The following KDM1B variants were observed in gnomAD, a reference collection of about 807,000 sequenced individuals.
The protein encoded by KDM1B is lysine demethylase 1B.
KDM1B carries 63 observed loss-of-function variants against 107.4 expected under a neutral mutation model. That is an observed-to-expected ratio of 0.59 (90% CI 0.48 to 0.72). KDM1B has a LOEUF of 0.72. Among genes scored for constraint, KDM1B ranks in the 30% least tolerant of loss-of-function variants. The probability of loss-of-function intolerance (pLI) is 0.00; values close to 1 mark genes in which losing one functional copy is unlikely to be tolerated. For synonymous variants in KDM1B, 363 were observed against 363.9 expected (o/e 1.00, Z 0.03); for missense variants, 749 against 1,020.8 (o/e 0.73, Z 3.63).
rs1788308664 is a variant in KDM1B, at chr6:18,205,530, A to G, written c.1532-7A>G. 1.3e-6 allele frequency: 2 copies of G among 1,547,334 alleles called. No individual in the cohort carries two copies. Among genetic ancestry groups the G allele is most frequent in the Non-Finnish European group, 1.7e-6 (2 of 1,145,188 alleles). On this transcript the variant is annotated splice_region_variant and splice_polypyrimidine_tract_variant and intron_variant, in intron 14 of 21. Transcript: ENST00000650836. The surrounding 1 kb of genome is among the most constrained non-coding windows in gnomAD (Gnocchi z 5.7). ...TTTTTTTCTGCTTTGATCCATTCCC[A>G]TTACAGAAAAGATAGAAGAAATCTA... is the stretch of plus-strand genomic sequence containing the variant.
At chr6:18,164,745 A>G (rs909173282) in intron 5 of KDM1B, among the ~76,000 whole-genome samples, 2 of 152,046 alleles carry the variant, frequency 1.3e-5, no homozygotes, top group Non-Finnish European at 2.9e-5. Context: ...TCCTGGGTTC[A>G]AGTGATTCTC....
At position 18,215,087 on chromosome 6, in the gene KDM1B, G is replaced by GC; in HGVS notation, c.2191dup (p.Gln731ProfsTer54). On this transcript the variant is annotated frameshift_variant, in exon 20 of 22. Coordinates refer to ENST00000650836, the MANE Select transcript of KDM1B (RefSeq NM_001364614.2). LOFTEE classifies it high-confidence loss of function. ...GGACCCTGGATGACAAACAGGTGCT[G>GC]CAGCAGTGCATGGCCACGCTCCGGG... 1 of 1,613,734 alleles carries GC rather than the reference G, an allele frequency of 6.2e-7. No individual in the cohort carries two copies. The highest frequency in any genetic ancestry group is 8.5e-7 in the Non-Finnish European group (1 of 1,179,934).
In KDM1B at chr6:18,162,481, G is replaced by T. The variant is rs1040830886; in HGVS notation, c.216-354G>T. 1.3e-5 allele frequency among the ~76,000 whole-genome samples: 2 copies of T among 152,024 alleles called. No individual in the cohort carries two copies. Among genetic ancestry groups the T allele is most frequent in the Non-Finnish European group, 2.9e-5 (2 of 68,018 alleles). Reference sequence around the variant, plus strand: ...AGATTTCAGCTGACCAGATTCCCTCGCTGTTCAGTACTGGGCCCCACGTTA... The same window carrying T: ...AGATTTCAGCTGACCAGATTCCCTCTCTGTTCAGTACTGGGCCCCACGTTA... On this transcript the variant is annotated intron_variant, in intron 4 of 21. Coordinates refer to ENST00000650836, the MANE Select transcript of KDM1B (RefSeq NM_001364614.2). The surrounding 1 kb of genome is among the most constrained non-coding windows in gnomAD (Gnocchi z 4.1).
intron 7 of KDM1B, among the ~76,000 whole-genome samples, chr6:18,180,746 A>T (rs1786406049): frequency 6.6e-6 from 1 of 152,132 alleles, no homozygotes; most frequent in Non-Finnish European, 1.5e-5. Context: ...GTGTATTTTT[A>T]GTAGAGACGG....
intron 21 of KDM1B, 139 bp from the exon 22 acceptor site, chr6:18,221,770 C>G (rs908570170): frequency 1.5e-6 from 1 of 679,994 alleles, no homozygotes; most frequent in Non-Finnish European, 2.5e-6. Context: ...TCCAGTGTTA[C>G]GATGGGTGAG....
Position 18,201,461 on chromosome 6 carries a change from CCTT to C in KDM1B, c.1360-21_1360-19del, listed in dbSNP as rs1788026789. Reference sequence around the variant, plus strand: ...TATTTTTTTCCAGGGAAAATTTTCACCTTCTTATTCTTATTATTTTGAAGCTTG... The same window carrying C: ...TATTTTTTTCCAGGGAAAATTTTCACCTTATTCTTATTATTTTGAAGCTTG... On this transcript the variant is annotated intron_variant, in intron 13 of 21. Transcript: ENST00000650836. This position sits in a 1 kb window ranked among gnomAD's most constrained non-coding sequence, Gnocchi z 4.3. 2 of 1,511,012 alleles carry C rather than the reference CCTT, an allele frequency of 1.3e-6. No individual in the cohort carries two copies. Among genetic ancestry groups the C allele is most frequent in the Non-Finnish European group, 1.8e-6 (2 of 1,127,366 alleles). 93.6% of individuals were successfully genotyped at this position (1,511,012 alleles called of 1,614,324 possible). A position where few individuals can be genotyped will look rare whatever the true frequency, so the allele number is the denominator to read the frequency against.
Position 18,197,454 on chromosome 6 carries a change from C to A in KDM1B, c.1147-133C>A. The A allele has an allele frequency of 2.4e-6, 2 of 829,064 alleles. No homozygotes were observed. Among genetic ancestry groups the A allele is most frequent in the Admixed American group, 2.1e-5 (1 of 46,870 alleles). The allele number at this position is 829,064 out of a possible 1,614,324, so 51.4% of individuals were successfully genotyped here. A position where few individuals can be genotyped will look rare whatever the true frequency, so the allele number is the denominator to read the frequency against. On this transcript the variant is annotated intron_variant, in intron 11 of 21. Transcript: ENST00000650836. The surrounding 1 kb of genome is among the most constrained non-coding windows in gnomAD (Gnocchi z 4.5). ...GTAATAAGACAAGTGCCACCACATT[C>A]TTTAGGAAAATAACTTTCTAAGGAC...
At chr6:18,167,005 A>G (rs897703193) in intron 6 of KDM1B, among the ~76,000 whole-genome samples, 1 of 152,108 alleles carries the variant, frequency 6.6e-6, no homozygotes, top group Non-Finnish European at 1.5e-5. Flanking sequence ...TTATATACAT[A>G]TACTGATTAG....
intron 7 of KDM1B, among the ~76,000 whole-genome samples, chr6:18,184,115 G>A (rs1474414586): frequency 2.0e-5 from 3 of 151,916 alleles, no homozygotes; most frequent in Non-Finnish European, 4.4e-5. Context: ...CCCCTTAGAA[G>A]CCCCGTGTCA....
chr6:18,163,525 AT>A (rs1222125498), intron 5 of KDM1B, among the ~76,000 whole-genome samples: 1 of 152,010 alleles, frequency 6.6e-6, no homozygotes, highest in African/African-American at 2.4e-5. Flanking sequence ...TCAATTATTT[AT>A]TTTTAGATCT....
In KDM1B at chr6:18,183,970, A is replaced by G. The variant is rs527683075; in HGVS notation, c.535-1802A>G. ...AACTGCTAGGCCATATGGTCTAACA[A>G]TCTTGTTTATTTAGGCAACTTTTCT... On this transcript the variant is annotated intron_variant, in intron 7 of 21. Coordinates refer to ENST00000650836, the MANE Select transcript of KDM1B (RefSeq NM_001364614.2). Among the ~76,000 whole-genome samples, 6 of 152,106 alleles carry G rather than the reference A, an allele frequency of 3.9e-5. 1 individual carries two copies. The highest frequency in any genetic ancestry group is 1.4e-4 in the African/African-American group (6 of 41,518).
At chr6:18,160,828 CTT>C (rs3077192) in intron 3 of KDM1B, among the ~76,000 whole-genome samples, 3,478 of 123,158 alleles carry the variant, frequency 0.028, 60 homozygotes, top group African/African-American at 0.046. Flanking sequence ...ACTCATGTCA[CTT>C]TTTTTTTTTT....
At chr6:18,160,328 G>T (rs536362716) in intron 3 of KDM1B, among the ~76,000 whole-genome samples, 4 of 152,272 alleles carry the variant, frequency 2.6e-5, no homozygotes, top group African/African-American at 9.6e-5. Flanking sequence ...CTTGGAATTG[G>T]TTGAATGCTA....
chr6:18,161,718 C>G (rs539955841), intron 4 of KDM1B, among the ~76,000 whole-genome samples: 18 of 152,236 alleles, frequency 1.2e-4, no homozygotes, highest in African/African-American at 3.6e-4. Flanking sequence ...CCATATCTAC[C>G]TCTCCAAGGG....
At chr6:18,167,422 T>C (rs1561909599) in intron 6 of KDM1B, among the ~76,000 whole-genome samples, 1 of 152,158 alleles carries the variant, frequency 6.6e-6, no homozygotes, top group Non-Finnish European at 1.5e-5. Context: ...TTTGAAAATA[T>C]ATTTTCATTA....
intron 17 of KDM1B, among the ~76,000 whole-genome samples, chr6:18,208,623 ATATATTTTTTTTTTTTTTTTT>A (rs1174882262): frequency 5.4e-5 from 2 of 37,076 alleles, no homozygotes; most frequent in African/African-American, 9.7e-5. Flanking sequence ...ATATATATAT[ATATATTTTTTTTTTTTTTTTT>A]TTTTTTTTTT....
rs541227983 is a variant in KDM1B, at chr6:18,212,744, C to G, written c.1983+140C>G. 2.6e-5 allele frequency: 18 copies of G among 680,880 alleles called. No homozygotes were observed. Among genetic ancestry groups the G allele is most frequent in the Non-Finnish European group, 3.4e-5 (13 of 381,420 alleles). 42.2% of individuals were successfully genotyped at this position (680,880 alleles called of 1,614,324 possible). A position where few individuals can be genotyped will look rare whatever the true frequency, so the allele number is the denominator to read the frequency against. ...TTTCCTTTTCATTTGAGTAATTGTT[C>G]GTGAAGAACACAGAAGAATATTATC... On this transcript the variant is annotated intron_variant, in intron 18 of 21. Coordinates refer to ENST00000650836, the MANE Select transcript of KDM1B (RefSeq NM_001364614.2). This position sits in a 1 kb window ranked among gnomAD's most constrained non-coding sequence, Gnocchi z 5.2.
Position 18,222,075 on chromosome 6 carries a change from G to GA in KDM1B, c.*89dup, listed in dbSNP as rs750708612. The GA allele has an allele frequency of 3.1e-5, 37 of 1,211,878 alleles. No individual in the cohort carries two copies. Among genetic ancestry groups the GA allele is most frequent in the African/African-American group, 4.5e-5 (3 of 66,706 alleles). The allele number at this position is 1,211,878 out of a possible 1,614,324, so 75.1% of individuals were successfully genotyped here. A position where few individuals can be genotyped will look rare whatever the true frequency, so the allele number is the denominator to read the frequency against. Reference sequence around the variant, plus strand: ...TTAAACCTCAGTTTTATAAGAGGGGGAAAAAACCGTCTCTACATAGTAAAA... The same window carrying GA: ...TTAAACCTCAGTTTTATAAGAGGGGGAAAAAAACCGTCTCTACATAGTAAAA... On this transcript the variant is annotated 3_prime_UTR_variant, in exon 22 of 22. Coordinates refer to ENST00000650836, the MANE Select transcript of KDM1B (RefSeq NM_001364614.2).
Position 18,205,540 on chromosome 6 carries a change from AG to A in KDM1B, c.1536del (p.Ile513Ter). 1 of 1,547,616 alleles carries A rather than the reference AG, an allele frequency of 6.5e-7. No homozygotes were observed. Among genetic ancestry groups the A allele is most frequent in the Non-Finnish European group, 8.7e-7 (1 of 1,145,360 alleles). The part of the protein sequence containing the change: ...TQLQDVPLGE[K>X]IEEIYKAFIK... ...CTTTGATCCATTCCCATTACAGAAAAGATAGAAGAAATCTACAAGGCATTTA... is the reference window on the plus strand; with the variant it reads ...CTTTGATCCATTCCCATTACAGAAAAATAGAAGAAATCTACAAGGCATTTA... On this transcript the variant is annotated frameshift_variant, in exon 15 of 22. Transcript: ENST00000650836. LOFTEE classifies it high-confidence loss of function. This position sits in a 1 kb window ranked among gnomAD's most constrained non-coding sequence, Gnocchi z 5.7.
Sources: gnomAD v4.1 joint callset for allele counts (sites outside exome capture counted in the v4.1 genomes callset) on GRCh38, gnomAD v4.1.1 for gene constraint, Gnocchi (gnomAD v3.1) non-coding constraint, MANE v1.5 for transcripts, NCBI Gene and HGNC (gene_info 2026-07-23, HGNC 2026-07-21) for gene names.